Variants in TAFA2 observed in about 807,000 individuals in gnomAD.
TAFA2 encodes the protein chemokine-like protein TAFA-2.
Under a neutral mutation model 18.8 loss-of-function variants are expected in TAFA2, and 7 were observed. That is an observed-to-expected ratio of 0.37 (90% CI 0.21 to 0.70). The LOEUF (loss-of-function observed/expected upper bound fraction) is 0.70, where lower values mean the gene tolerates loss of function less well. Ranked by LOEUF, TAFA2 falls within the 30% of genes least tolerant of loss-of-function variation. The pLI is 0.53. For synonymous variants in TAFA2, 60 were observed against 54.2 expected (o/e 1.11, Z -0.47); for missense variants, 122 against 158.1 (o/e 0.77, Z 1.23).
chr12:61,711,219 T>TA (rs1869393175), intron 4 of TAFA2, among the ~76,000 whole-genome samples: 1 of 150,688 alleles, frequency 6.6e-6, no homozygotes, highest in African/African-American at 2.4e-5. Flanking sequence ...TATGCATAGA[T>TA]ACAGAGGAAA....
At position 62,177,054 on chromosome 12, in the gene TAFA2, C is replaced by CT. The variant is rs1431921341; in HGVS notation, c.-2+14204dup. On this transcript the variant is annotated intron_variant, in intron 1 of 4. Transcript: ENST00000416284. Reference sequence around the variant, plus strand: ...TTAAAAAGATCACTCACGTGAAGTACTTAGCACAGTGCCTGGCATGTTGGT... The same window carrying CT: ...TTAAAAAGATCACTCACGTGAAGTACTTTAGCACAGTGCCTGGCATGTTGGT... Among the ~76,000 whole-genome samples, 4 of 152,236 alleles carry CT rather than the reference C, an allele frequency of 2.6e-5. No individual in the cohort carries two copies. The East Asian group carries it at 7.7e-4, about 29-fold the overall frequency.
chr12:61,967,984 A>G (rs1879124803), intron 1 of TAFA2, among the ~76,000 whole-genome samples: 1 of 151,748 alleles, frequency 6.6e-6, no homozygotes, highest in African/African-American at 2.4e-5. Context: ...ACCTTTGCTA[A>G]TGAGGTCTTC....
intron 1 of TAFA2, among the ~76,000 whole-genome samples, chr12:62,034,213 T>C (rs1881539350): frequency 6.6e-6 from 1 of 152,132 alleles, no homozygotes; most frequent in African/African-American, 2.4e-5. Flanking sequence ...TGTTTTATAT[T>C]ACCAAGCAAT....
At chr12:61,793,022 G>T (rs1056181478) in intron 2 of TAFA2, among the ~76,000 whole-genome samples, 2 of 151,486 alleles carry the variant, frequency 1.3e-5, no homozygotes, top group Non-Finnish European at 3.0e-5. Flanking sequence ...TAAATTACTC[G>T]AGTGAAATAC....
chr12:61,928,959 G>C (rs773934977), intron 1 of TAFA2, among the ~76,000 whole-genome samples: 12 of 152,092 alleles, frequency 7.9e-5, no homozygotes, highest in Non-Finnish European at 1.3e-4. Flanking sequence ...GTTGAACAAT[G>C]AGAACACATG....
chr12:61,782,734 C>T (rs1439045321), intron 2 of TAFA2, among the ~76,000 whole-genome samples: 1 of 151,624 alleles, frequency 6.6e-6, no homozygotes, highest in Non-Finnish European at 1.5e-5. Flanking sequence ...GGACTTTTTC[C>T]ATCCTTTTAT....
At chr12:62,123,281 T>C (rs1470020102) in intron 1 of TAFA2, among the ~76,000 whole-genome samples, 2 of 152,152 alleles carry the variant, frequency 1.3e-5, no homozygotes, top group African/African-American at 4.8e-5. Flanking sequence ...GGTGGACTAA[T>C]TGATTAATCT....
chr12:61,764,475 A>G (rs1869702725), intron 2 of TAFA2, among the ~76,000 whole-genome samples: 1 of 151,928 alleles, frequency 6.6e-6, no homozygotes, highest in South Asian at 2.1e-4. Flanking sequence ...AGTGTTGAAA[A>G]GACAGATTCA....
At chr12:62,113,881 G>A (rs1202150907) in intron 1 of TAFA2, among the ~76,000 whole-genome samples, 1 of 152,212 alleles carries the variant, frequency 6.6e-6, no homozygotes, top group Admixed American at 6.5e-5. Context: ...TCAGACTGCT[G>A]TACTGGCAGT....
intron 1 of TAFA2, among the ~76,000 whole-genome samples, chr12:61,963,239 A>C (rs1878951860): frequency 6.6e-6 from 1 of 152,048 alleles, no homozygotes; most frequent in Non-Finnish European, 1.5e-5. Context: ...GTATATACCC[A>C]GTAATAGGAT....
At chr12:62,018,650 T>C (rs1295937745) in intron 1 of TAFA2, among the ~76,000 whole-genome samples, 2 of 152,164 alleles carry the variant, frequency 1.3e-5, no homozygotes, top group Non-Finnish European at 2.9e-5. Flanking sequence ...GATCCCTTCC[T>C]TACACCTTAT....
chr12:61,950,305 G>A (rs1321279250), intron 1 of TAFA2, among the ~76,000 whole-genome samples: 2 of 152,100 alleles, frequency 1.3e-5, no homozygotes, highest in Admixed American at 1.3e-4. Flanking sequence ...TGGATAATAT[G>A]TTAGTTTTAT....
At chr12:62,098,822 T>C (rs939193778) in intron 1 of TAFA2, among the ~76,000 whole-genome samples, 2 of 152,184 alleles carry the variant, frequency 1.3e-5, no homozygotes, top group African/African-American at 4.8e-5. Context: ...TGAATTCATA[T>C]TTGACCACTT....
chr12:61,752,765 T>C (rs1018411359), intron 4 of TAFA2, among the ~76,000 whole-genome samples: 12 of 152,152 alleles, frequency 7.9e-5, no homozygotes, highest in African/African-American at 2.9e-4. Context: ...AAGTCTGCTA[T>C]ATCAAGTAGT....
chr12:61,947,434 G>T (rs1423882323), intron 1 of TAFA2, among the ~76,000 whole-genome samples: 1 of 151,380 alleles, frequency 6.6e-6, no homozygotes, highest in African/African-American at 2.4e-5. Context: ...ATGTGCACAT[G>T]TACCCTAAAA....
chr12:61,713,660 GA>G, intron 4 of TAFA2, among the ~76,000 whole-genome samples: 1 of 152,166 alleles, frequency 6.6e-6, no homozygotes, highest in East Asian at 1.9e-4. Flanking sequence ...ATCACCAGTT[GA>G]AAAAGTTTAC....
chr12:61,860,274 T>C (rs36084190), intron 2 of TAFA2, among the ~76,000 whole-genome samples: 43,645 of 151,860 alleles, frequency 0.29, 6,783 homozygotes, highest in South Asian at 0.39. Flanking sequence ...TATATTACTT[T>C]GAAAATTCAA....
chr12:62,204,208 A>G (rs2062682919), intron 1 of TAFA2, among the ~76,000 whole-genome samples: 1 of 152,064 alleles, frequency 6.6e-6, no homozygotes, highest in Non-Finnish European at 1.5e-5. Context: ...AGAAGTCCAC[A>G]GTGAGTCTGA....
intron 2 of TAFA2, among the ~76,000 whole-genome samples, chr12:61,792,048 G>T (rs10784262): frequency 0.89 from 135,108 of 151,632 alleles, 60,372 homozygotes; most frequent in African/African-American, 0.96. Flanking sequence ...AAAATAATTT[G>T]TTTTCATTTG....
Sources: allele counts gnomAD v4.1 joint callset (sites outside exome capture counted in the v4.1 genomes callset), GRCh38; gene constraint gnomAD v4.1.1; transcripts MANE v1.5; gene names NCBI Gene and HGNC (gene_info 2026-07-23, HGNC 2026-07-21).